The following KYNU variants were observed in gnomAD, a reference collection of about 807,000 sequenced individuals.
KYNU encodes the protein kynureninase, also known as L-kynurenine hydrolase.
Under a neutral mutation model 59.2 loss-of-function variants are expected in KYNU, and 54 were observed. That is an observed-to-expected ratio of 0.91 (90% confidence interval 0.73 to 1.14). The LOEUF (loss-of-function observed/expected upper bound fraction) is 1.14. Among genes scored for constraint, KYNU ranks in the 50% most tolerant of loss-of-function variants. The pLI is 0.00. For synonymous variants in KYNU, 177 were observed against 192.0 expected, an observed-to-expected ratio of 0.92 and a Z score of 0.65; for missense variants, 567 against 554.4, an observed-to-expected ratio of 1.02 and a Z score of -0.23.
At chr2:143,023,425 T>G (rs754066498) in intron 10 of KYNU, among the ~76,000 whole-genome samples, 1 of 151,924 alleles carries the variant, frequency 6.6e-6, no homozygotes, top group African/African-American at 2.4e-5. Context: ...GCTATAATCT[T>G]TATTTCAAGT....
In KYNU at chr2:142,918,728, A is replaced by C; in HGVS notation, c.289A>C (p.Ile97Leu). The change falls in exon 3 of 14, where the codon ATA becomes CTA. Residue 97 changes from isoleucine (I) to leucine (L), a missense_variant and splice_region_variant. By Grantham distance (5) the Ile-to-Leu change is conservative. Transcript: ENST00000264170. ...AGAAGAACTAGATAAGTGGGCCAAAATGTAAGTATTATTTTAAAAGCTACT... is the reference window on the plus strand; with the variant it reads ...AGAAGAACTAGATAAGTGGGCCAAACTGTAAGTATTATTTTAAAAGCTACT... ...LEEELDKWAK[I>L]AAYGHEVGKR... The C allele has an allele frequency of 6.2e-7, 1 of 1,610,830 alleles. No individual in the cohort carries two copies. Among genetic ancestry groups the C allele is most frequent in the Non-Finnish European group, 8.5e-7 (1 of 1,177,718 alleles).
intron 8 of KYNU, among the ~76,000 whole-genome samples, chr2:142,961,268 T>C: frequency 6.7e-6 from 1 of 149,914 alleles, no homozygotes; most frequent in Non-Finnish European, 1.5e-5. Flanking sequence ...CATCTCTATT[T>C]AAACTGCTTT....
chr2:142,943,093 G>A (rs1573818941), intron 4 of KYNU, among the ~76,000 whole-genome samples: 1 of 152,214 alleles, frequency 6.6e-6, no homozygotes, highest in South Asian at 2.1e-4. Context: ...TCTTTTGGGA[G>A]ACTGTCTTTC....
intron 10 of KYNU, among the ~76,000 whole-genome samples, chr2:143,010,573 T>C (rs1217786224): frequency 7.3e-6 from 1 of 137,804 alleles, no homozygotes; most frequent in African/African-American, 2.9e-5. Context: ...TTAAAGTTCA[T>C]ATGGAACCAA....
chr2:142,939,702 GA>G (rs1315679677), intron 4 of KYNU, among the ~76,000 whole-genome samples: 3 of 149,658 alleles, frequency 2.0e-5, no homozygotes, highest in South Asian at 4.2e-4. Context: ...AGGAGTGACT[GA>G]AAAAAAAATT....
At chr2:143,028,077 C>G (rs960855985) in intron 10 of KYNU, among the ~76,000 whole-genome samples, 2 of 151,956 alleles carry the variant, frequency 1.3e-5, no homozygotes, top group African/African-American at 2.4e-5. Flanking sequence ...ATCACTAAAA[C>G]TAAAATATTT....
At chr2:143,027,427 G>C (rs1351812980) in intron 10 of KYNU, among the ~76,000 whole-genome samples, 1 of 152,028 alleles carries the variant, frequency 6.6e-6, no homozygotes, top group Non-Finnish European at 1.5e-5. Context: ...TTACATTATA[G>C]TGTGAAACAT....
Position 143,029,762 on chromosome 2 carries a change from A to T in KYNU, c.955+83A>T. The T allele has an allele frequency of 2.4e-6, 2 of 839,366 alleles. 1 individual carries two copies. The highest frequency in any genetic ancestry group is 2.7e-5 in the South Asian group (2 of 73,330). The allele number at this position is 839,366 out of a possible 1,614,324, so 52.0% of individuals were successfully genotyped here. A position where few individuals can be genotyped will look rare whatever the true frequency, so the allele number is the denominator to read the frequency against. On this transcript the variant is annotated intron_variant, in intron 11 of 13. Transcript: ENST00000264170. ...TCTGTCTTTGTATTATGTGTAATGT[A>T]TATGCCCCAGGGAGAGTGCACTTCA...
chr2:142,979,435 A>G (rs958117969), intron 8 of KYNU, among the ~76,000 whole-genome samples: 1 of 152,168 alleles, frequency 6.6e-6, no homozygotes, highest in Non-Finnish European at 1.5e-5. Flanking sequence ...GAAAATTGTT[A>G]CAAGAGAGAT....
At chr2:143,006,209 C>T (rs549021441) in intron 10 of KYNU, among the ~76,000 whole-genome samples, 7,987 of 151,930 alleles carry the variant, frequency 0.053, 557 homozygotes, top group African/African-American at 0.16. Flanking sequence ...GCACCGTGCG[C>T]GAGCCGAAAC....
At chr2:142,971,563 A>G (rs1684725755) in intron 8 of KYNU, among the ~76,000 whole-genome samples, 1 of 152,200 alleles carries the variant, frequency 6.6e-6, no homozygotes, top group Non-Finnish European at 1.5e-5. Flanking sequence ...TCTTATAATT[A>G]CTTCTATGCC....
intron 4 of KYNU, among the ~76,000 whole-genome samples, chr2:142,932,707 G>C (rs1227406938): frequency 1.4e-5 from 2 of 143,214 alleles, no homozygotes; most frequent in African/African-American, 5.2e-5. Context: ...AATGAGTTCA[G>C]CTTTTGGGAG....
chr2:142,972,613 G>A (rs990133458), intron 8 of KYNU, among the ~76,000 whole-genome samples: 6 of 152,120 alleles, frequency 3.9e-5, no homozygotes, highest in African/African-American at 1.2e-4. Context: ...CATTTGAGGA[G>A]AGTGAATCTG....
intron 11 of KYNU, among the ~76,000 whole-genome samples, chr2:143,032,538 T>C (rs1433502388): frequency 3.9e-5 from 6 of 152,226 alleles, no homozygotes; most frequent in Non-Finnish European, 8.8e-5. Context: ...GTCATCAAGT[T>C]TTAACATTCT....
chr2:142,987,880 T>C (rs1417345162), intron 10 of KYNU, among the ~76,000 whole-genome samples: 1 of 151,762 alleles, frequency 6.6e-6, no homozygotes, highest in Non-Finnish European at 1.5e-5. Context: ...TAATGAAATA[T>C]AGTTGTTTAA....
At chr2:142,880,016 G>A (rs1265170204) in intron 1 of KYNU, among the ~76,000 whole-genome samples, 1 of 152,170 alleles carries the variant, frequency 6.6e-6, no homozygotes. Flanking sequence ...GTTTGTCTAA[G>A]TCTTTCTCAT....
chr2:142,882,491 C>T (rs1177134657), intron 1 of KYNU, among the ~76,000 whole-genome samples: 3 of 152,142 alleles, frequency 2.0e-5, no homozygotes, highest in Non-Finnish European at 4.4e-5. Flanking sequence ...CCCCCCACTC[C>T]ACGACAGGCT....
At chr2:142,948,883 C>T (rs1222021986) in intron 4 of KYNU, among the ~76,000 whole-genome samples, 1 of 152,222 alleles carries the variant, frequency 6.6e-6, no homozygotes, top group East Asian at 1.9e-4. Flanking sequence ...TCCAAAGTCT[C>T]ATCTGAGACA....
intron 4 of KYNU, among the ~76,000 whole-genome samples, chr2:142,938,599 C>G (rs1002888820): frequency 6.6e-6 from 1 of 152,188 alleles, no homozygotes; most frequent in Non-Finnish European, 1.5e-5. Flanking sequence ...TTATAGTTCA[C>G]TATGCACAGA....
Sources: allele counts gnomAD v4.1 joint callset (sites outside exome capture counted in the v4.1 genomes callset), GRCh38; gene constraint gnomAD v4.1.1; transcripts MANE v1.5; gene names NCBI Gene and HGNC (gene_info 2026-07-23, HGNC 2026-07-21).